The following PTPRD variants were observed in gnomAD, a reference collection of about 807,000 sequenced individuals.
PTPRD encodes receptor-type tyrosine-protein phosphatase delta.
A neutral mutation model predicts 214.5 loss-of-function variants in PTPRD; 34 were observed. That is an observed-to-expected ratio of 0.16 (90% confidence interval 0.12 to 0.21). PTPRD has a LOEUF of 0.21. PTPRD is among the 10% of genes least tolerant of loss of function. PTPRD has a pLI of 1.00. For synonymous variants in PTPRD, 1,128 were observed against 845.7 expected, an observed-to-expected ratio of 1.33 and a Z score of -5.79; for missense variants, 2,545 against 2,398.7, an observed-to-expected ratio of 1.06 and a Z score of -1.27.
intron 21 of PTPRD, among the ~76,000 whole-genome samples, chr9:8,513,834 CATT>C (rs967443424): frequency 1.3e-4 from 20 of 152,142 alleles, no homozygotes; most frequent in African/African-American, 4.6e-4. Context: ...CAGATCAAAT[CATT>C]GTGCTATTTT....
intron 12 of PTPRD, among the ~76,000 whole-genome samples, chr9:8,685,661 A>G (rs748033605): frequency 8.5e-5 from 13 of 152,202 alleles, no homozygotes; most frequent in Admixed American, 7.9e-4. Flanking sequence ...ATAGTGTACC[A>G]AACTAACACC....
chr9:10,273,922 T>C (rs1011312593), intron 3 of PTPRD, among the ~76,000 whole-genome samples: 1 of 152,122 alleles, frequency 6.6e-6, no homozygotes, highest in Non-Finnish European at 1.5e-5. Flanking sequence ...AAAACAAAAG[T>C]TTTTAGCTAA....
intron 3 of PTPRD, among the ~76,000 whole-genome samples, chr9:10,101,727 T>G (rs1420605267): frequency 6.6e-6 from 1 of 151,722 alleles, no homozygotes; most frequent in East Asian, 1.9e-4. Flanking sequence ...TATTGGAAGG[T>G]GTATTGTGCA....
At chr9:9,714,439 T>C (rs60759958) in intron 7 of PTPRD, among the ~76,000 whole-genome samples, 5,357 of 152,276 alleles carry the variant, frequency 0.035, 122 homozygotes, top group Middle Eastern at 0.1. Flanking sequence ...GCATGGAACA[T>C]ATTTTGGCAT....
intron 34 of PTPRD, among the ~76,000 whole-genome samples, chr9:8,446,927 T>C (rs554279271): frequency 1.3e-5 from 2 of 152,320 alleles, no homozygotes; most frequent in South Asian, 4.1e-4. Flanking sequence ...TTATGGTAAT[T>C]AACAGCCGCT....
chr9:10,346,235 C>A (rs1243196495), intron 2 of PTPRD, among the ~76,000 whole-genome samples: 1 of 152,114 alleles, frequency 6.6e-6, no homozygotes, highest in African/African-American at 2.4e-5. Flanking sequence ...TTAATGTCAT[C>A]CAAAACAAGA....
At chr9:8,880,820 T>C (rs894151338) in intron 11 of PTPRD, among the ~76,000 whole-genome samples, 1 of 152,216 alleles carries the variant, frequency 6.6e-6, no homozygotes, top group African/African-American at 2.4e-5. Flanking sequence ...TGTCTGACTC[T>C]GTCATCCAGG....
intron 14 of PTPRD, among the ~76,000 whole-genome samples, chr9:8,554,654 G>A (rs906190415): frequency 1.2e-4 from 18 of 152,178 alleles, no homozygotes; most frequent in South Asian, 4.1e-4. Flanking sequence ...GGTATAAACA[G>A]AAATACAATT....
intron 3 of PTPRD, among the ~76,000 whole-genome samples, chr9:10,221,018 C>A (rs765905453): frequency 6.6e-6 from 1 of 151,822 alleles, no homozygotes; most frequent in Non-Finnish European, 1.5e-5. Context: ...GAAGAATCCC[C>A]CGAGGAAGAA....
chr9:8,729,565 G>C lies in PTPRD; in HGVS notation c.64+4215C>G, dbSNP rs2098632138. ...ACGAAACACCTACCTTGTGTTATCT[G>C]CTAATCTATGAGTTTTCTTTTAATT... On this transcript the variant is annotated intron_variant, in intron 12 of 45. Coordinates refer to ENST00000381196, the MANE Select transcript of PTPRD (RefSeq NM_002839.4). Among the ~76,000 whole-genome samples the C allele has an allele frequency of 2.0e-5, 3 of 152,148 alleles. No homozygotes were observed. The South Asian group carries it at 6.2e-4, about 32-fold the overall frequency.
intron 14 of PTPRD, among the ~76,000 whole-genome samples, chr9:8,531,339 A>C (rs966789810): frequency 2.6e-5 from 4 of 152,056 alleles, no homozygotes; most frequent in African/African-American, 9.7e-5. Flanking sequence ...AGGTTTTGCC[A>C]ATATATTTAC....
intron 3 of PTPRD, among the ~76,000 whole-genome samples, chr9:10,095,444 C>T (rs2154205711): frequency 6.6e-6 from 1 of 151,572 alleles, no homozygotes; most frequent in African/African-American, 2.4e-5. Context: ...GACAATGCAA[C>T]ATTACAGAAA....
At chr9:10,541,824 G>T (rs1038803220) in intron 2 of PTPRD, among the ~76,000 whole-genome samples, 1 of 151,812 alleles carries the variant, frequency 6.6e-6, no homozygotes, top group Non-Finnish European at 1.5e-5. Flanking sequence ...CCTCCAAAAT[G>T]GGTTAAATAT....
At chr9:8,660,095 T>G (rs2154353360) in intron 12 of PTPRD, among the ~76,000 whole-genome samples, 1 of 152,320 alleles carries the variant, frequency 6.6e-6, no homozygotes, top group South Asian at 2.1e-4. Context: ...GCAAATGTGT[T>G]TTTCAGAAAT....
At chr9:8,786,623 G>A (rs915376101) in intron 11 of PTPRD, among the ~76,000 whole-genome samples, 1 of 151,088 alleles carries the variant, frequency 6.6e-6, no homozygotes, top group Non-Finnish European at 1.5e-5. Context: ...CCACGTTGGC[G>A]AGGCTGGTCT....
At chr9:9,186,243 G>C (rs1299372950) in intron 9 of PTPRD, among the ~76,000 whole-genome samples, 3 of 152,072 alleles carry the variant, frequency 2.0e-5, no homozygotes, top group Admixed American at 1.3e-4. Flanking sequence ...GAACAAGGAG[G>C]AAATAACAAT....
chr9:10,415,578 T>C lies in PTPRD; in HGVS notation c.-599-74561A>G, dbSNP rs1484770642. ...GATTAATTCTTGCTGTCCTTAAAGA[T>C]AAGAAAACACTCCTAGAGCTAGGCA... On this transcript the variant is annotated intron_variant, in intron 2 of 45. Transcript: ENST00000381196. Among the ~76,000 whole-genome samples the C allele has an allele frequency of 2.6e-5, 4 of 151,874 alleles. No homozygotes were observed. In the East Asian group the frequency reaches 7.8e-4, roughly 30 times the overall value.
intron 3 of PTPRD, among the ~76,000 whole-genome samples, chr9:10,234,680 T>C (rs903587396): frequency 6.6e-6 from 1 of 151,950 alleles, no homozygotes; most frequent in African/African-American, 2.4e-5. Flanking sequence ...TTAAAAAGTG[T>C]TTAACTTATT....
chr9:10,129,735 T>C (rs1025472149), intron 3 of PTPRD, among the ~76,000 whole-genome samples: 3 of 152,052 alleles, frequency 2.0e-5, no homozygotes, highest in Non-Finnish European at 4.4e-5. Flanking sequence ...AAGTCTTGTA[T>C]GTAAATGTCA....
Sources: gnomAD v4.1 joint callset for allele counts (sites outside exome capture counted in the v4.1 genomes callset) on GRCh38, gnomAD v4.1.1 for gene constraint, MANE v1.5 for transcripts, NCBI Gene and HGNC (gene_info 2026-07-23, HGNC 2026-07-21) for gene names.